The following SPINK9 variants were observed in gnomAD, a reference collection of about 807,000 sequenced individuals.
SPINK9 encodes serine peptidase inhibitor Kazal type 9, also known as serine protease inhibitor Kazal-type 9.
Under a neutral mutation model 10.8 loss-of-function variants are expected in SPINK9, and 3 were observed. That is an observed-to-expected ratio of 0.28 (90% CI 0.13 to 0.72). SPINK9 has a LOEUF of 0.72. Ranked by LOEUF, SPINK9 falls within the 30% of genes least tolerant of loss-of-function variation. The probability of loss-of-function intolerance (pLI) is 0.74; values close to 1 mark genes in which losing one functional copy is unlikely to be tolerated. For missense variants in SPINK9, 101 were observed against 103.2 expected (o/e 0.98, Z 0.09); for synonymous variants, 30 against 31.2 (o/e 0.96, Z 0.12).
chr5:148,323,049 AG>A (rs1757016674), intron 1 of SPINK9, among the ~76,000 whole-genome samples: 1 of 152,174 alleles, frequency 6.6e-6, no homozygotes, highest in South Asian at 2.1e-4. Flanking sequence ...AGCAAAATAT[AG>A]AAGATACAAT....
upstream of SPINK9, among the ~76,000 whole-genome samples, chr5:148,334,154 C>T (rs558231752): frequency 1.1e-4 from 17 of 151,720 alleles, no homozygotes; most frequent in Admixed American, 5.2e-4. Flanking sequence ...ATAAAAAGAC[C>T]TAATAGGATT....
intron 2 of SPINK9, among the ~76,000 whole-genome samples, chr5:148,330,187 T>C (rs976522097): frequency 9.2e-5 from 14 of 152,352 alleles, no homozygotes; most frequent in African/African-American, 3.1e-4. Context: ...ATCTGGGTGC[T>C]CCTGTATTGG....
intron 3 of SPINK9, 33 bp downstream of exon 3, chr5:148,338,638 A>C (rs1201922849): frequency 2.0e-6 from 3 of 1,480,882 alleles, no homozygotes; most frequent in Non-Finnish European, 2.8e-6. Context: ...TTTCATATTT[A>C]AGGTAAAAGT....
intron 2 of SPINK9, chr5:148,323,882 G>A (rs759704934): frequency 1.6e-5 from 11 of 689,356 alleles, no homozygotes; most frequent in South Asian, 6.2e-5. Flanking sequence ...TGTAGCCCGC[G>A]AAAGTAATTT....
upstream of SPINK9, among the ~76,000 whole-genome samples, chr5:148,334,949 A>T (rs139603197): frequency 1.7e-4 from 26 of 152,296 alleles, no homozygotes; most frequent in African/African-American, 6.3e-4. Flanking sequence ...AGATTCCCAA[A>T]GTTTCAGCTC....
upstream of SPINK9, among the ~76,000 whole-genome samples, chr5:148,330,949 A>T (rs1757140556): frequency 1.3e-5 from 2 of 152,192 alleles, no homozygotes; most frequent in African/African-American, 4.8e-5. Flanking sequence ...GCGTAGTATT[A>T]GGGTGGGAGT....
chr5:148,323,037 TA>T (rs1425190827), intron 1 of SPINK9, among the ~76,000 whole-genome samples: 1 of 152,100 alleles, frequency 6.6e-6, no homozygotes, highest in African/African-American at 2.4e-5. Flanking sequence ...AACCCGCCTA[TA>T]AGCAAAATAT....
intron 2 of SPINK9, among the ~76,000 whole-genome samples, chr5:148,325,908 G>T (rs1479588600): frequency 6.6e-6 from 1 of 151,850 alleles, no homozygotes; most frequent in Non-Finnish European, 1.5e-5. Flanking sequence ...TTTTATATGT[G>T]GTATCTTATG....
At chr5:148,333,726 G>A (rs1306438998), upstream of SPINK9, among the ~76,000 whole-genome samples, 1 of 152,132 alleles carries the variant, frequency 6.6e-6, no homozygotes, top group Non-Finnish European at 1.5e-5. Flanking sequence ...CAGTGTCCAA[G>A]CTCTGCCTCA....
At chr5:148,330,941 G>A (rs917925225), upstream of SPINK9, among the ~76,000 whole-genome samples, 4 of 152,284 alleles carry the variant, frequency 2.6e-5, no homozygotes, top group Non-Finnish European at 4.4e-5. Flanking sequence ...ATGGAAAAGC[G>A]TAGTATTAGG....
At chr5:148,336,562 G>C in intron 2 of SPINK9, 109 bp downstream of exon 2, 1 of 1,234,892 alleles carries the variant, frequency 8.1e-7, no homozygotes, top group Non-Finnish European at 1.2e-6. Context: ...TTTACTTTAT[G>C]TGTATGAAAA....
upstream of SPINK9, among the ~76,000 whole-genome samples, chr5:148,331,981 T>C (rs10076153): frequency 8.7e-3 from 1,330 of 152,298 alleles, 21 homozygotes; most frequent in African/African-American, 0.031. Context: ...ATTATAACAA[T>C]AGTGTATCTT....
intron 2 of SPINK9, among the ~76,000 whole-genome samples, chr5:148,325,870 G>A (rs1757052888): frequency 6.6e-6 from 1 of 151,982 alleles, no homozygotes; most frequent in Non-Finnish European, 1.5e-5. Context: ...GATTTTACAT[G>A]TAACTCTCTG....
intron 2 of SPINK9, 46 bp downstream of exon 2, chr5:148,336,499 A>T (rs1176617242): frequency 2.5e-6 from 4 of 1,571,756 alleles, no homozygotes; most frequent in African/African-American, 2.7e-5. Context: ...AGTCAATATC[A>T]GTAAGGAAAT....
At chr5:148,330,172 T>A (rs2113416394) in intron 2 of SPINK9, among the ~76,000 whole-genome samples, 1 of 152,354 alleles carries the variant, frequency 6.6e-6, no homozygotes, top group Admixed American at 6.5e-5. Flanking sequence ...GGACTTGCTT[T>A]ATGAATCTGG....
rs983612888 is a variant in SPINK9 at position 148,335,811 on chromosome 5, G to A, written c.55+143G>A. The A allele has an allele frequency of 8.2e-5, 74 of 905,586 alleles. 2 individuals carry two copies. The South Asian group carries it at 1.1e-3, about 13-fold the overall frequency. 56.1% of individuals were successfully genotyped at this position (905,586 alleles called of 1,614,324 possible). The stretch of plus-strand genomic sequence containing the variant: ...AAATGAATCTTTTGCCTCAACCAAC[G>A]AATTGCTAAATCACATCACCTCAGG... On this transcript the variant is annotated intron_variant, in intron 1 of 3. Coordinates refer to ENST00000377906, the MANE Select transcript of SPINK9 (RefSeq NM_001040433.2).
At chr5:148,323,495 T>C (rs1757022117) in intron 1 of SPINK9, among the ~76,000 whole-genome samples, 1 of 152,188 alleles carries the variant, frequency 6.6e-6, no homozygotes, top group Non-Finnish European at 1.5e-5. Flanking sequence ...TGGTTTTTCA[T>C]TATAAACTGT....
upstream of SPINK9, among the ~76,000 whole-genome samples, chr5:148,331,144 T>C (rs1269272595): frequency 6.6e-6 from 1 of 152,300 alleles, no homozygotes; most frequent in East Asian, 1.9e-4. Context: ...AGTACCTCAG[T>C]TGGAAATGCA....
chr5:148,337,465 A>G (rs922940968), intron 2 of SPINK9, among the ~76,000 whole-genome samples: 4 of 152,164 alleles, frequency 2.6e-5, no homozygotes, highest in Non-Finnish European at 4.4e-5. Flanking sequence ...ATTCAACTTT[A>G]AGTTTGAGTA....
Sources: allele counts gnomAD v4.1 joint callset (sites outside exome capture counted in the v4.1 genomes callset), GRCh38; gene constraint gnomAD v4.1.1; transcripts MANE v1.5; gene names NCBI Gene and HGNC (gene_info 2026-07-23, HGNC 2026-07-21).